The following TMEFF2 variants were observed in gnomAD, a reference collection of about 807,000 sequenced individuals.
The protein encoded by TMEFF2 is tomoregulin-2.
A neutral mutation model predicts 53.8 loss-of-function variants in TMEFF2; 28 were observed. The observed-to-expected ratio is 0.52, with a 90% confidence interval of 0.39 to 0.71. The LOEUF (loss-of-function observed/expected upper bound fraction) is 0.71. Among genes scored for constraint, TMEFF2 ranks in the 30% least tolerant of loss-of-function variants. The probability of loss-of-function intolerance (pLI) is 0.00; values close to 1 mark genes in which losing one functional copy is unlikely to be tolerated. For missense variants in TMEFF2, 353 were observed against 455.2 expected, an observed-to-expected ratio of 0.78 and a Z score of 2.04; for synonymous variants, 162 against 166.3, an observed-to-expected ratio of 0.97 and a Z score of 0.20.
At chr2:191,972,187 C>T (rs1692664571) in intron 7 of TMEFF2, among the ~76,000 whole-genome samples, 1 of 150,524 alleles carries the variant, frequency 6.6e-6, no homozygotes, top group Non-Finnish European at 1.5e-5. Context: ...CTCTGTTGCC[C>T]AGGCTGGAGT....
chr2:192,122,699 T>C (rs1039045660), intron 4 of TMEFF2, among the ~76,000 whole-genome samples: 1 of 152,000 alleles, frequency 6.6e-6, no homozygotes, highest in African/African-American at 2.4e-5. Context: ...AATTAGAAGA[T>C]TACCTTTATG....
At chr2:192,075,306 T>TATATATATATATAAATATAA (rs1688394146) in intron 4 of TMEFF2, among the ~76,000 whole-genome samples, 3 of 57,764 alleles carry the variant, frequency 5.2e-5, no homozygotes, top group Non-Finnish European at 1.1e-4. Context: ...TATATATATA[T>TATATATATATATAAATATAA]ATATATATAT....
intron 4 of TMEFF2, among the ~76,000 whole-genome samples, chr2:192,109,103 T>C (rs1417709634): frequency 1.3e-5 from 2 of 152,074 alleles, no homozygotes; most frequent in African/African-American, 4.8e-5. Context: ...TGGTAATGGC[T>C]GCACAATACT....
In TMEFF2 at chr2:192,016,500, T is replaced by C. The variant is rs188213400; in HGVS notation, c.537-17292A>G. On this transcript the variant is annotated intron_variant, in intron 5 of 9. Transcript: ENST00000272771. ...AACATGAGCTGTGAGACACTAATAC[T>C]GACTCCTGGCTTAAGAAGACCCTGC... 4.6e-5 allele frequency among the ~76,000 whole-genome samples: 7 copies of C among 152,350 alleles called. No individual in the cohort carries two copies. The East Asian group carries it at 1.3e-3, about 29-fold the overall frequency.
chr2:192,092,723 G>A (rs1680959773), intron 4 of TMEFF2, among the ~76,000 whole-genome samples: 1 of 152,222 alleles, frequency 6.6e-6, no homozygotes, highest in Non-Finnish European at 1.5e-5. Context: ...CTTGTAAGAA[G>A]GGGGCAGCAG....
intron 3 of TMEFF2, 24 bp from the exon 4 acceptor site, chr2:192,179,718 G>T (rs1691139887): frequency 6.6e-7 from 1 of 1,517,036 alleles, no homozygotes; most frequent in South Asian, 1.4e-5. Context: ...AGTTATATTT[G>T]CTAGTAAAAC....
rs75890231 is a variant in TMEFF2, at chr2:192,000,766, T to G, written c.537-1558A>C. On this transcript the variant is annotated intron_variant, in intron 5 of 9. Transcript: ENST00000272771. ...AAAATGTGCTAATGAACTTACTTAT[T>G]TATTTATTTATTTTGTAAGAGAATT... Among the ~76,000 whole-genome samples, 1,374 of 152,126 alleles carry G rather than the reference T, an allele frequency of 9.0e-3. 30 individuals carry two copies. The highest frequency in any genetic ancestry group is 0.031 in the African/African-American group (1,296 of 41,562).
intron 4 of TMEFF2, among the ~76,000 whole-genome samples, chr2:192,069,004 C>G (rs1394963300): frequency 2.0e-5 from 3 of 149,974 alleles, no homozygotes; most frequent in African/African-American, 7.3e-5. Context: ...ATTACAATAT[C>G]CAAAACATTA....
intron 5 of TMEFF2, among the ~76,000 whole-genome samples, chr2:192,002,433 G>A (rs1574281822): frequency 1.3e-5 from 2 of 151,370 alleles, no homozygotes; most frequent in African/African-American, 2.4e-5. Context: ...AATACTTCCT[G>A]TGACTCTCAG....
intron 9 of TMEFF2, among the ~76,000 whole-genome samples, chr2:191,952,625 C>A (rs1478829852): frequency 6.6e-6 from 1 of 152,116 alleles, no homozygotes; most frequent in Non-Finnish European, 1.5e-5. Context: ...TAGTCAATGA[C>A]CTGCCCTTAA....
At position 192,040,249 on chromosome 2, in the gene TMEFF2, A is replaced by G. The variant is rs78654025; in HGVS notation, c.536+17430T>C. On this transcript the variant is annotated intron_variant, in intron 5 of 9. Coordinates refer to ENST00000272771, the MANE Select transcript of TMEFF2 (RefSeq NM_016192.4). The stretch of plus-strand genomic sequence containing the variant: ...AGAGATAAGCCTTTTGATTAATAGT[A>G]GCAGCTTCTCTTAGCCTTGGTTTTC... Among the ~76,000 whole-genome samples, 885 of 152,260 alleles carry G rather than the reference A, an allele frequency of 5.8e-3. 15 individuals are homozygous for G. Among genetic ancestry groups the G allele is most frequent in the African/African-American group, 0.02 (829 of 41,576 alleles).
chr2:192,108,475 C>T (rs544014115), intron 4 of TMEFF2, among the ~76,000 whole-genome samples: 3 of 151,960 alleles, frequency 2.0e-5, no homozygotes, highest in East Asian at 1.9e-4. Context: ...TTTTAACCTT[C>T]GTGTTTAAAT....
Position 192,182,047 on chromosome 2 carries a change from C to G in TMEFF2, c.412+2307G>C, listed in dbSNP as rs1256752207. Among the ~76,000 whole-genome samples the G allele has an allele frequency of 2.6e-5, 4 of 151,832 alleles. No homozygotes were observed. The East Asian group carries it at 7.8e-4, about 29-fold the overall frequency. On this transcript the variant is annotated intron_variant, in intron 3 of 9. Coordinates refer to ENST00000272771, the MANE Select transcript of TMEFF2 (RefSeq NM_016192.4). The stretch of plus-strand genomic sequence containing the variant: ...CCTAAATCTGAGCTCCTAGTTAATG[C>G]ATTTCCTACAAGGCAAAAAGTTAAA...
chr2:191,975,887 A>ATCATC (rs1373338681), intron 7 of TMEFF2, among the ~76,000 whole-genome samples: 1 of 152,190 alleles, frequency 6.6e-6, no homozygotes, highest in Non-Finnish European at 1.5e-5. Flanking sequence ...CAAGCCCTTT[A>ATCATC]TCATCTCTTC....
intron 4 of TMEFF2, among the ~76,000 whole-genome samples, chr2:192,061,394 TA>T (rs113096798): frequency 1.1e-4 from 17 of 151,800 alleles, no homozygotes; most frequent in Admixed American, 3.3e-4. Flanking sequence ...TAAAAAATAA[TA>T]AAAAAATAAA....
chr2:192,029,980 A>G (rs1687087350), intron 5 of TMEFF2, among the ~76,000 whole-genome samples: 2 of 152,192 alleles, frequency 1.3e-5, no homozygotes, highest in South Asian at 4.1e-4. Context: ...GGAAAACTCC[A>G]CTGTGCATTT....
intron 7 of TMEFF2, among the ~76,000 whole-genome samples, chr2:191,964,350 TTCTTTCTTTCTTTCTTTCTTTC>T (rs1559063337): frequency 8.8e-4 from 92 of 104,310 alleles, no homozygotes; most frequent in South Asian, 5.2e-3. Context: ...CTTTCTTTCT[TTCTTTCTTTCTTTCTTTCTTTC>T]TCTTTCTTTC....
intron 4 of TMEFF2, among the ~76,000 whole-genome samples, chr2:192,087,979 G>A (rs1262641337): frequency 2.0e-5 from 3 of 152,112 alleles, no homozygotes; most frequent in East Asian, 3.9e-4. Flanking sequence ...TCCTCCCCTT[G>A]AGCAAAACAC....
chr2:191,986,433 C>T (rs1323843652), intron 7 of TMEFF2, among the ~76,000 whole-genome samples: 1 of 152,124 alleles, frequency 6.6e-6, no homozygotes, highest in East Asian at 1.9e-4. Flanking sequence ...CCTCAATAAC[C>T]TATAACTAAA....
Sources: allele counts gnomAD v4.1 joint callset (sites outside exome capture counted in the v4.1 genomes callset), GRCh38; gene constraint gnomAD v4.1.1; transcripts MANE v1.5; gene names NCBI Gene and HGNC (gene_info 2026-07-23, HGNC 2026-07-21).